KIF23: variants seen among roughly 807,000 people sequenced by gnomAD.
KIF23 encodes the protein kinesin family member 23.
Under a neutral mutation model 137.5 loss-of-function variants are expected in KIF23, and 30 were observed. That is an observed-to-expected ratio of 0.22 (90% CI 0.16 to 0.30). KIF23 has a LOEUF of 0.30. KIF23 is among the 10% of genes least tolerant of loss of function. The pLI is 1.00. For synonymous variants in KIF23, 367 were observed against 391.1 expected, an observed-to-expected ratio of 0.94 and a Z score of 0.73; for missense variants, 920 against 1,194.3, an observed-to-expected ratio of 0.77 and a Z score of 3.38.
In KIF23 at chr15:69,440,005, T is replaced by C; in HGVS notation, c.1857T>C (p.Ser619=). The change falls in exon 17 of 24, where the codon TCT becomes TCC. Residue 619 remains serine, a synonymous_variant. Transcript: ENST00000679126. The stretch of plus-strand genomic sequence containing the variant: ...ACCAGAAACTTCAGCGACAGTTTTC[T>C]GACAAACGCAGATTAGAAGCCAGGT... ...TQNQKLQRQF[S]DKRRLEARLQ... 1 of 1,614,098 alleles carries C rather than the reference T, an allele frequency of 6.2e-7. No individual in the cohort carries two copies. Among genetic ancestry groups the C allele is most frequent in the Non-Finnish European group, 8.5e-7 (1 of 1,180,026 alleles).
intron 11 of KIF23, among the ~76,000 whole-genome samples, chr15:69,430,149 A>G (rs1029668346): frequency 1.3e-5 from 2 of 152,210 alleles, no homozygotes; most frequent in African/African-American, 4.8e-5. Flanking sequence ...ACACAAGCCA[A>G]TTGAAGGCTT....
chr15:69,424,292 A>C (rs1595987532), intron 7 of KIF23, among the ~76,000 whole-genome samples: 1 of 152,214 alleles, frequency 6.6e-6, no homozygotes, highest in Non-Finnish European at 1.5e-5. Context: ...GAAAACAATT[A>C]CAATATGGCT....
intron 6 of KIF23, chr15:69,422,842 C>T (rs1438236924): frequency 3.7e-6 from 1 of 273,496 alleles, no homozygotes; most frequent in East Asian, 1.0e-4. Flanking sequence ...ACTTTGCTGC[C>T]CAGGGTGGAG....
intron 11 of KIF23, 139 bp from the exon 12 acceptor site, chr15:69,435,344 T>C (rs2057451708): frequency 6.1e-6 from 4 of 658,236 alleles, no homozygotes; most frequent in Non-Finnish European, 5.1e-6. Context: ...GACAGCTCTT[T>C]ATATTGAGCC....
rs767232802 is a variant in KIF23 at position 69,441,125 on chromosome 15, C to G, written c.2421+46C>G. On this transcript the variant is annotated intron_variant, in intron 19 of 23. Coordinates refer to ENST00000679126, the MANE Select transcript of KIF23 (RefSeq NM_001367805.3). ...AACGCATTGTAGCAATAGATTTTAT[C>G]TTCTTTGTTTTTTGTAACTTGTGTC... is the stretch of plus-strand genomic sequence containing the variant. 4.7e-6 allele frequency: 7 copies of G among 1,492,672 alleles called. No homozygotes were observed. In the South Asian group the frequency reaches 9.2e-5, roughly 20 times the overall value. 92.5% of individuals were successfully genotyped at this position (1,492,672 alleles called of 1,614,324 possible). A position where few individuals can be genotyped will look rare whatever the true frequency, so the allele number is the denominator to read the frequency against.
At chr15:69,440,650 A>C in intron 18 of KIF23, 118 bp from the exon 19 acceptor site, 1 of 1,130,636 alleles carries the variant, frequency 8.8e-7, no homozygotes, top group Non-Finnish European at 1.2e-6. Flanking sequence ...GCACAAAAAA[A>C]TAGAACAAAT....
Position 69,436,272 on chromosome 15 carries a change from G to A in KIF23, c.1438+11G>A. ...GTCCAGTTGGAAATGGTATGATTTGGTGTTGTATCATTTGTCCACTCATTG... is the reference window on the plus strand; with the variant it reads ...GTCCAGTTGGAAATGGTATGATTTGATGTTGTATCATTTGTCCACTCATTG... On this transcript the variant is annotated intron_variant, in intron 14 of 23. Transcript: ENST00000679126. 2 of 1,609,088 alleles carry A rather than the reference G, an allele frequency of 1.2e-6. No homozygotes were observed. Among genetic ancestry groups the A allele is most frequent in the Non-Finnish European group, 1.7e-6 (2 of 1,178,650 alleles).
In KIF23 at chr15:69,423,177, G is replaced by A. The variant is rs2057104858; in HGVS notation, c.582G>A (p.Glu194=). 2 of 1,591,558 alleles carry A rather than the reference G, an allele frequency of 1.3e-6. No homozygotes were observed. Among genetic ancestry groups the A allele is most frequent in the East Asian group, 4.5e-5 (2 of 44,424 alleles). Residue 194 remains glutamate, a synonymous_variant, in exon 7 of 24, where the codon GAG becomes GAA. Transcript: ENST00000679126. ...TSSSKRQVDP[E]FADMITVQEF... is the part of the protein sequence containing the mutation. ...TTTTTAGACGACAAGTAGATCCAGA[G>A]TTTGCAGATATGATAACTGTACAAG...
Position 69,422,312 on chromosome 15 carries a change from TGC to T in KIF23, c.454-13_454-12del. ...AAACGTGGTGTGATTTTTTTTTTTTTGCCCCCACTTCAGGTTTTCAAATCTAA... is the reference window on the plus strand; with the variant it reads ...AAACGTGGTGTGATTTTTTTTTTTTTCCCCACTTCAGGTTTTCAAATCTAA... On this transcript the variant is annotated splice_polypyrimidine_tract_variant and intron_variant, in intron 5 of 23. Coordinates refer to ENST00000679126, the MANE Select transcript of KIF23 (RefSeq NM_001367805.3). The T allele has an allele frequency of 1.4e-6, 2 of 1,439,062 alleles. No individual in the cohort carries two copies. The highest frequency in any genetic ancestry group is 4.2e-5 in the Admixed American group (2 of 47,788). 89.1% of individuals were successfully genotyped at this position (1,439,062 alleles called of 1,614,324 possible).
At chr15:69,421,131 G>A (rs565623672) in intron 3 of KIF23, among the ~76,000 whole-genome samples, 1 of 152,274 alleles carries the variant, frequency 6.6e-6, no homozygotes, top group East Asian at 1.9e-4. Context: ...GGTGGCTCAC[G>A]CCTGTAATCC....
At chr15:69,427,666 A>T (rs558105132) in intron 10 of KIF23, among the ~76,000 whole-genome samples, 1 of 152,324 alleles carries the variant, frequency 6.6e-6, no homozygotes, top group Non-Finnish European at 1.5e-5. Context: ...GCCACAGTAC[A>T]AGGCTTGTGT....
At chr15:69,446,694 A>G in intron 22 of KIF23, 177 bp from the exon 23 acceptor site, 1 of 676,046 alleles carries the variant, frequency 1.5e-6, no homozygotes, top group Non-Finnish European at 2.6e-6. Context: ...TCTGGCTCAC[A>G]ACATTTGTGG....
chr15:69,423,321 A>G lies in KIF23; in HGVS notation c.726A>G (p.Ile242Met). Residue 242 changes from isoleucine (I) to methionine (M), a missense_variant, in exon 7 of 24, where the codon ATA becomes ATG. Physicochemically the swap from Ile to Met is conservative, Grantham distance 10. Coordinates refer to ENST00000679126, the MANE Select transcript of KIF23 (RefSeq NM_001367805.3). ...TGGAAGAGGTGCCGTTTGATCCCATAAAACCCAAGTAAGTAATAAAGAGAG... is the reference window on the plus strand; with the variant it reads ...TGGAAGAGGTGCCGTTTGATCCCATGAAACCCAAGTAAGTAATAAAGAGAG... Reference protein sequence around the residue: ...DLLEEVPFDPIKPKWNSCSTP... With the variant: ...DLLEEVPFDPMKPKWNSCSTP... 1 of 1,560,570 alleles carries G rather than the reference A, an allele frequency of 6.4e-7. No individual in the cohort carries two copies. The highest frequency in any genetic ancestry group is 8.6e-7 in the Non-Finnish European group (1 of 1,157,158).
chr15:69,424,648 C>T (rs1186384621), intron 7 of KIF23, among the ~76,000 whole-genome samples: 1 of 152,164 alleles, frequency 6.6e-6, no homozygotes, highest in African/African-American at 2.4e-5. Context: ...CAAGCACAAG[C>T]CACCATGCCT....
Position 69,421,764 on chromosome 15 carries a change from C to T in KIF23, c.316+12C>T. The T allele has an allele frequency of 6.4e-7, 1 of 1,554,312 alleles. No homozygotes were observed. The highest frequency in any genetic ancestry group is 8.8e-7 in the Non-Finnish European group (1 of 1,133,876). On this transcript the variant is annotated intron_variant, in intron 4 of 23. Transcript: ENST00000679126. ...TCATGGCAAAAATGGTATGATATGA[C>T]TCTTGGAGTTTTGTTAGATTTTCCT... is the stretch of plus-strand genomic sequence containing the variant.
chr15:69,431,195 A>G (rs934269558), intron 11 of KIF23, among the ~76,000 whole-genome samples: 8 of 152,140 alleles, frequency 5.3e-5, no homozygotes, highest in Admixed American at 5.2e-4. Context: ...ATAGGCAGGT[A>G]ATGAGTTGTA....
At chr15:69,438,458 TCTCTGAG>T in intron 16 of KIF23, 53 bp downstream of exon 16, 1 of 1,496,814 alleles carries the variant, frequency 6.7e-7, no homozygotes, top group Non-Finnish European at 9.0e-7. Context: ...TTAGCACTGT[TCTCTGAG>T]GGAGATATTG....
chr15:69,425,236 G>C, intron 7 of KIF23, 46 bp from the exon 8 acceptor site: 2 of 1,473,312 alleles, frequency 1.4e-6, no homozygotes, highest in Non-Finnish European at 1.8e-6. Flanking sequence ...GTTGGTGTGA[G>C]ATGGCTGCTG....
At chr15:69,447,549 T>A (rs2057767783) in intron 23 of KIF23, among the ~76,000 whole-genome samples, 1 of 152,198 alleles carries the variant, frequency 6.6e-6, no homozygotes, top group South Asian at 2.1e-4. Flanking sequence ...ATATAACATT[T>A]TAAACATTTA....
Sources: allele counts gnomAD v4.1 joint callset (sites outside exome capture counted in the v4.1 genomes callset), GRCh38; gene constraint gnomAD v4.1.1; transcripts MANE v1.5; gene names NCBI Gene and HGNC (gene_info 2026-07-23, HGNC 2026-07-21).